OR5P3: variants seen among roughly 807,000 people sequenced by gnomAD.
The protein encoded by OR5P3 is olfactory receptor 5P3.
For synonymous variants in OR5P3, 172 were observed against 141.8 expected (o/e 1.21, Z -1.51); for missense variants, 415 against 375.6 (o/e 1.10, Z -0.87).
At chr11:7,829,789 T>G (rs1325224919) in intron 1 of OR5P3, among the ~76,000 whole-genome samples, 1 of 152,086 alleles carries the variant, frequency 6.6e-6, no homozygotes, top group African/African-American at 2.4e-5. Flanking sequence ...AGTGTTTTTT[T>G]AAAAAAGTAG....
Position 7,825,252 on chromosome 11 carries a change from AG to A in OR5P3, c.720del (p.Cys241AlafsTer20). 1 of 1,613,028 alleles carries A rather than the reference AG, an allele frequency of 6.2e-7. No individual in the cohort carries two copies. The highest frequency in any genetic ancestry group is 8.5e-7 in the Non-Finnish European group (1 of 1,180,002). On this transcript the variant is annotated frameshift_variant, in exon 2 of 2. Transcript: ENST00000641167. LOFTEE classifies it low-confidence loss of function (END_TRUNC). Reference protein sequence around the residue: ...STKGRHKAFSTCTSHLTAVTL... With the variant: ...STKGRHKAFSXCTSHLTAVTL... ...GTGACTGCAGTGAGGTGGGAGGTGC[AG>A]GTGGAGAAGGCCTTGTGGCGGCCCT... is the stretch of plus-strand genomic sequence containing the variant.
At chr11:7,829,078 A>G (rs1215205908) in intron 1 of OR5P3, among the ~76,000 whole-genome samples, 2 of 152,162 alleles carry the variant, frequency 1.3e-5, no homozygotes, top group Non-Finnish European at 2.9e-5. Context: ...ATGAAAAAAT[A>G]TTTGAAAATA....
intron 1 of OR5P3, among the ~76,000 whole-genome samples, chr11:7,828,362 G>T (rs935314712): frequency 1.3e-5 from 2 of 152,188 alleles, no homozygotes; most frequent in African/African-American, 4.8e-5. Context: ...TCAAGAGAAG[G>T]CTTGGATACT....
Position 7,825,302 on chromosome 11 carries a change from G to T in OR5P3, c.671C>A (p.Thr224Asn), listed in dbSNP as rs1203958229. Residue 224 changes from threonine to asparagine, a missense_variant, in exon 2 of 2, where the codon ACC becomes AAC. Thr to Asn is a moderately conservative substitution (Grantham distance 65). Coordinates refer to ENST00000641167, the MANE Select transcript of OR5P3 (RefSeq NM_153445.2). ...CTTGGTGGAGTGCATCTTCAGGATG[G>T]TGATGAGGATATAGATGTAGGATAT... is the stretch of plus-strand genomic sequence containing the variant. The part of the protein sequence containing the change: ...IAISYIYILI[T>N]ILKMHSTKGR... 6.2e-7 allele frequency: 1 copy of T among 1,613,082 alleles called. No homozygotes were observed. The highest frequency in any genetic ancestry group is 1.7e-5 in the Admixed American group (1 of 59,976).
chr11:7,825,347 G>T lies in OR5P3; in HGVS notation c.626C>A (p.Ala209Asp). 1 of 1,613,186 alleles carries T rather than the reference G, an allele frequency of 6.2e-7. No individual in the cohort carries two copies. The highest frequency in any genetic ancestry group is 1.3e-5 in the African/African-American group (1 of 74,104). Reference sequence around the variant, plus strand: ...GGATATGGCTATGACACACACAGTGGCCACAATGATAGATCCAGAAGAGAT... The same window carrying T: ...GGATATGGCTATGACACACACAGTGTCCACAATGATAGATCCAGAAGAGAT... ...PAISSGSIIVATVCVIAISYI... is the reference protein window; with the variant it reads ...PAISSGSIIVDTVCVIAISYI... Residue 209 changes from alanine to aspartate, a missense_variant, in exon 2 of 2, where the codon GCC becomes GAC. Transcript: ENST00000641167.
rs1188041759 is a variant in OR5P3, at chr11:7,825,603, C to A, written c.370G>T (p.Val124Leu). The A allele has an allele frequency of 6.2e-7, 1 of 1,613,112 alleles. No individual in the cohort carries two copies. Among genetic ancestry groups the A allele is most frequent in the Non-Finnish European group, 8.5e-7 (1 of 1,180,026 alleles). The change falls in exon 2 of 2, where the codon GTG (valine) becomes TTG (leucine). Residue 124 changes from valine (V) to leucine (L), a missense_variant. By Grantham distance (32) the Val-to-Leu change is conservative. Transcript: ENST00000641167. The stretch of plus-strand genomic sequence containing the variant: ...TAGAGCAGGGGTGAGCAGATGGCCA[C>A]ATAGCGATCATAGGCCATGGCAGCC... ...LLAAMAYDRY[V>L]AICSPLLYST...
At chr11:7,827,951 G>A (rs146508107) in intron 1 of OR5P3, among the ~76,000 whole-genome samples, 8 of 152,226 alleles carry the variant, frequency 5.3e-5, no homozygotes, top group Admixed American at 1.3e-4. Flanking sequence ...CCAAAGATGC[G>A]GAGACATGAT....
rs201090474 is a variant in OR5P3, at chr11:7,825,550, G to T, written c.423C>A (p.Cys141Ter). 122 of 1,613,202 alleles carry T rather than the reference G, an allele frequency of 7.6e-5. 1 individual carries two copies. In the Admixed American group the frequency reaches 2.0e-3, roughly 27 times the overall value. ...GGTAGGACATGCCCACTAAGATGATGCAGACTCCAGGGGACATGCAGGTAG... is the reference window on the plus strand; with the variant it reads ...GGTAGGACATGCCCACTAAGATGATTCAGACTCCAGGGGACATGCAGGTAG... ...LYSTCMSPGV[C>*]IILVGMSYLG... The change falls in exon 2 of 2, where the codon TGC (cysteine) becomes TGA (stop). Residue 141 changes from cysteine (C) to a stop codon, truncating the protein, a stop_gained. Transcript: ENST00000641167. LOFTEE classifies it low-confidence loss of function (END_TRUNC).
At chr11:7,828,159 C>A (rs1237294005) in intron 1 of OR5P3, among the ~76,000 whole-genome samples, 1 of 152,112 alleles carries the variant, frequency 6.6e-6, no homozygotes, top group Non-Finnish European at 1.5e-5. Flanking sequence ...AAAAGTTCAT[C>A]ATTTGAGAAG....
chr11:7,825,536 C>G lies in OR5P3; in HGVS notation c.437G>C (p.Gly146Ala). ...CACACATCCACCCAGGTAGGACATG[C>G]CCACTAAGATGATGCAGACTCCAGG... ...MSPGVCIILV[G>A]MSYLGGCVNA... The change falls in exon 2 of 2, where the codon GGC (glycine) becomes GCC (alanine). Residue 146 changes from glycine (G) to alanine (A), a missense_variant. Coordinates refer to ENST00000641167, the MANE Select transcript of OR5P3 (RefSeq NM_153445.2). 1 of 1,613,172 alleles carries G rather than the reference C, an allele frequency of 6.2e-7. No homozygotes were observed. Among genetic ancestry groups the G allele is most frequent in the Non-Finnish European group, 8.5e-7 (1 of 1,180,028 alleles).
Position 7,825,171 on chromosome 11 carries a change from T to A in OR5P3, c.802A>T (p.Thr268Ser), listed in dbSNP as rs750926526. 1.2e-6 allele frequency: 2 copies of A among 1,607,852 alleles called. No homozygotes were observed. The highest frequency in any genetic ancestry group is 2.2e-5 in the South Asian group (2 of 91,074). The change falls in exon 2 of 2, where the codon ACT (threonine) becomes TCT (serine). Residue 268 changes from threonine (T) to serine (S), a missense_variant. Thr to Ser is a moderately conservative substitution (Grantham distance 58). Coordinates refer to ENST00000641167, the MANE Select transcript of OR5P3 (RefSeq NM_153445.2). The stretch of plus-strand genomic sequence containing the variant: ...ACAGACACCACCTTGTTCTGGTCAG[T>A]TGAGTAGCTGGACTTGGGCATCACA... ...IYVMPKSSYSTDQNKVVSVFY... is the reference protein window; with the variant it reads ...IYVMPKSSYSSDQNKVVSVFY...
chr11:7,826,037 T>C lies in OR5P3; in HGVS notation c.-21-44A>G. The C allele has an allele frequency of 4.5e-6, 4 of 897,964 alleles. No homozygotes were observed. The South Asian group carries it at 5.2e-5, about 12-fold the overall frequency. The allele number at this position is 897,964 out of a possible 1,614,324, so 55.6% of individuals were successfully genotyped here. On this transcript the variant is annotated intron_variant, in intron 1 of 1. Coordinates refer to ENST00000641167, the MANE Select transcript of OR5P3 (RefSeq NM_153445.2). ...AATATTATAATGGGATTAAATGCTA[T>C]AATTGCACACTTATTTTTCCAATAT...
intron 1 of OR5P3, among the ~76,000 whole-genome samples, chr11:7,829,071 A>T (rs1857778997): frequency 6.6e-6 from 1 of 152,288 alleles, no homozygotes; most frequent in African/African-American, 2.4e-5. Flanking sequence ...CATAAATATG[A>T]AAAAATATTT....
At chr11:7,828,138 G>T (rs1189456170) in intron 1 of OR5P3, among the ~76,000 whole-genome samples, 1 of 152,094 alleles carries the variant, frequency 6.6e-6, no homozygotes, top group East Asian at 1.9e-4. Context: ...GGTAAAAGTG[G>T]TAAGAGAAAA....
Position 7,825,302 on chromosome 11 carries a change from G to A in OR5P3, c.671C>T (p.Thr224Ile), listed in dbSNP as rs1203958229. 2 of 1,613,200 alleles carry A rather than the reference G, an allele frequency of 1.2e-6. No individual in the cohort carries two copies. The highest frequency in any genetic ancestry group is 2.2e-5 in the East Asian group (1 of 44,888). ...CTTGGTGGAGTGCATCTTCAGGATG[G>A]TGATGAGGATATAGATGTAGGATAT... ...IAISYIYILI[T>I]ILKMHSTKGR... The change falls in exon 2 of 2, where the codon ACC becomes ATC. Residue 224 changes from threonine (T) to isoleucine (I), a missense_variant. By Grantham distance (89) the Thr-to-Ile change is moderately conservative. Coordinates refer to ENST00000641167, the MANE Select transcript of OR5P3 (RefSeq NM_153445.2).
Position 7,825,769 on chromosome 11 carries a change from A to G in OR5P3, c.204T>C (p.Phe68=). 3 of 1,613,314 alleles carry G rather than the reference A, an allele frequency of 1.9e-6. No homozygotes were observed. Among genetic ancestry groups the G allele is most frequent in the Non-Finnish European group, 1.7e-6 (2 of 1,180,020 alleles). Reference sequence around the variant, plus strand: ...CTGATGAGGAGTACCCAATGTCTACAAAGGCCAAATGGCAGAGGAAAATGT... The same window carrying G: ...CTGATGAGGAGTACCCAATGTCTACGAAGGCCAAATGGCAGAGGAAAATGT... ...PMYIFLCHLA[F]VDIGYSSSVT... Residue 68 remains phenylalanine (F), a synonymous_variant, in exon 2 of 2, where the codon TTT becomes TTC. Transcript: ENST00000641167.
Position 7,825,529 on chromosome 11 carries a change from G to T in OR5P3, c.444C>A (p.Ser148=), listed in dbSNP as rs1564832084. The T allele has an allele frequency of 1.2e-6, 2 of 1,613,246 alleles. No homozygotes were observed. The highest frequency in any genetic ancestry group is 1.7e-6 in the Non-Finnish European group (2 of 1,180,012). The stretch of plus-strand genomic sequence containing the variant: ...AAGCATTCACACATCCACCCAGGTA[G>T]GACATGCCCACTAAGATGATGCAGA... ...PGVCIILVGM[S]YLGGCVNAWT... The change falls in exon 2 of 2, where the codon TCC becomes TCA. Residue 148 remains serine, a synonymous_variant. Transcript: ENST00000641167.
At chr11:7,827,475 A>G (rs1857757334) in intron 1 of OR5P3, among the ~76,000 whole-genome samples, 1 of 152,002 alleles carries the variant, frequency 6.6e-6, no homozygotes, top group African/African-American at 2.4e-5. Context: ...TTTCACTAAG[A>G]TTTTCTTTTT....
rs181713996 is a variant in OR5P3, at chr11:7,825,034, T to G, written c.*3A>C. ...ATCAGATTCTTCAAACTAACTAGTT[T>G]CATCAAGAAAATATTTTTATTCTAA... is the stretch of plus-strand genomic sequence containing the variant. On this transcript the variant is annotated 3_prime_UTR_variant, in exon 2 of 2. Transcript: ENST00000641167. 1.2e-6 allele frequency: 2 copies of G among 1,607,398 alleles called. No homozygotes were observed. Among genetic ancestry groups the G allele is most frequent in the Non-Finnish European group, 1.7e-6 (2 of 1,176,166 alleles).
Sources: allele counts gnomAD v4.1 joint callset (sites outside exome capture counted in the v4.1 genomes callset), GRCh38; gene constraint gnomAD v4.1.1; transcripts MANE v1.5; gene names NCBI Gene and HGNC (gene_info 2026-07-23, HGNC 2026-07-21).